Variants in RASA3 observed in about 807,000 individuals in gnomAD.
The protein encoded by RASA3 is RAS p21 protein activator 3.
In RASA3, 73 loss-of-function variants were observed where a neutral mutation model predicts 110.0. The observed-to-expected ratio is 0.66, with a 90% CI of 0.55 to 0.81. The LOEUF is 0.81. Among genes scored for constraint, RASA3 ranks in the 30% least tolerant of loss-of-function variants. The pLI, the probability that RASA3 is intolerant of heterozygous loss-of-function variation, is 0.00. For missense variants in RASA3, 976 were observed against 1,113.2 expected (o/e 0.88, Z 1.75); for synonymous variants, 500 against 451.4 (o/e 1.11, Z -1.37).
At chr13:114,089,424 G>A (rs1025222012) in intron 1 of RASA3, among the ~76,000 whole-genome samples, 2 of 151,738 alleles carry the variant, frequency 1.3e-5, no homozygotes, top group South Asian at 4.2e-4. Context: ...GGCAGGAGGC[G>A]GCCACCTGAG....
chr13:114,119,692 C>T (rs1483006646), intron 1 of RASA3, among the ~76,000 whole-genome samples: 5 of 52,410 alleles, frequency 9.5e-5, no homozygotes, highest in African/African-American at 2.1e-4. Flanking sequence ...ATCAGGGCCC[C>T]CCCTCCCTCT....
chr13:113,982,030 G>A (rs539592590), intron 22 of RASA3, among the ~76,000 whole-genome samples, 172 bp from the exon 23 acceptor site: 3 of 152,308 alleles, frequency 2.0e-5, no homozygotes, highest in South Asian at 2.1e-4. Context: ...AACCATTCCC[G>A]CAGGTAGGCG....
intron 3 of RASA3, among the ~76,000 whole-genome samples, chr13:114,042,769 A>G (rs7983567): frequency 0.71 from 107,669 of 152,136 alleles, 38,939 homozygotes; most frequent in African/African-American, 0.87. Context: ...TCCAGCAGCC[A>G]CATGCTTGGG....
At chr13:114,095,113 C>G (rs1594447831) in intron 1 of RASA3, among the ~76,000 whole-genome samples, 1 of 152,182 alleles carries the variant, frequency 6.6e-6, no homozygotes, top group East Asian at 1.9e-4. Context: ...GTGAAGTTCA[C>G]ACAGGAAAGT....
intron 22 of RASA3, among the ~76,000 whole-genome samples, chr13:113,991,892 G>A (rs61967987): frequency 0.13 from 20,175 of 152,084 alleles, 1,740 homozygotes; most frequent in Middle Eastern, 0.19. Flanking sequence ...ACACACACAT[G>A]CTCACACATG....
chr13:114,023,990 A>T (rs568402285), intron 8 of RASA3, among the ~76,000 whole-genome samples: 1 of 152,304 alleles, frequency 6.6e-6, no homozygotes, highest in African/African-American at 2.4e-5. Context: ...GCTTAGAACA[A>T]GACCTTAAGA....
At position 114,021,462 on chromosome 13, in the gene RASA3, G is replaced by C; in HGVS notation, c.727C>G (p.Leu243Val). The change falls in exon 9 of 24, where the codon CTG becomes GTG. Residue 243 changes from leucine to valine, a missense_variant. Physicochemically the swap from Leu to Val is conservative, Grantham distance 32 (BLOSUM62 1). Around this residue, in one of 4 missense-constraint regions of RASA3, gnomAD observed 732 missense variants for 779.7 expected, o/e 0.94. Coordinates refer to ENST00000334062, the MANE Select transcript of RASA3 (RefSeq NM_007368.4). ...ASNLKFGDEF[L>V]GELRIPLKVL... The stretch of plus-strand genomic sequence containing the variant: ...TTCAACGGGATCCTTAGTTCTCCCA[G>C]GAATTCATCTCCAAACTTCAGGTTA... 6.2e-7 allele frequency: 1 copy of C among 1,614,022 alleles called. No homozygotes were observed. The highest frequency in any genetic ancestry group is 8.5e-7 in the Non-Finnish European group (1 of 1,180,022).
chr13:114,017,428 C>A, intron 11 of RASA3, 77 bp from the exon 12 acceptor site: 2 of 1,182,306 alleles, frequency 1.7e-6, no homozygotes, highest in Non-Finnish European at 1.2e-6. Flanking sequence ...TGGCCCCGAG[C>A]ACCTGCCTGT....
In RASA3 at chr13:114,030,522, C is replaced by CA. The variant is rs1317182634; in HGVS notation, c.373-636dup. On this transcript the variant is annotated intron_variant, in intron 4 of 23. Transcript: ENST00000334062. ...CAGAGGGCAAGACTCACACAGAGAG[C>CA]AAGACTCACACAGAGGGCAAGACTC... 8.3e-5 allele frequency among the ~76,000 whole-genome samples: 10 copies of CA among 120,180 alleles called. No individual in the cohort carries two copies. The Admixed American group carries it at 8.5e-4, about 10-fold the overall frequency. 78.8% of individuals were successfully genotyped at this position (120,180 alleles called of 152,430 possible).
chr13:114,012,909 C>T (rs1482034544), intron 15 of RASA3, among the ~76,000 whole-genome samples: 23 of 141,084 alleles, frequency 1.6e-4, no homozygotes, highest in African/African-American at 4.7e-4. Flanking sequence ...ACACTCCCCA[C>T]GCAGTCCACG....
rs1165707509 is a variant in RASA3 at position 114,018,220 on chromosome 13, G to A, written c.975C>T (p.Gly325=). The change falls in exon 11 of 24, where the codon GGC becomes GGT. Residue 325 remains glycine, a synonymous_variant. Transcript: ENST00000334062. ...CCTCCTGCTTCTCCCGGCAAACCTC[G>A]CCCAGGATGTGGGCCGCAGACGCTG... is the stretch of plus-strand genomic sequence containing the variant. ...PVSASAAHIL[G]EVCREKQEAA... is the part of the protein sequence containing the mutation. The A allele has an allele frequency of 1.5e-5, 23 of 1,553,774 alleles. No individual in the cohort carries two copies. In the Middle Eastern group the frequency reaches 8.6e-4, roughly 58 times the overall value.
chr13:114,131,474 C>T (rs1461816553), intron 1 of RASA3, among the ~76,000 whole-genome samples: 1 of 152,308 alleles, frequency 6.6e-6, no homozygotes, highest in East Asian at 1.9e-4. Flanking sequence ...GATAAAACAA[C>T]CAGGGAAAAG....
intron 1 of RASA3, among the ~76,000 whole-genome samples, chr13:114,119,444 G>A (rs2080335241): frequency 6.6e-6 from 1 of 151,894 alleles, no homozygotes; most frequent in South Asian, 2.1e-4. Flanking sequence ...GGGGCCGATC[G>A]CTCAGGATCC....
At chr13:114,043,677 G>A (rs1324262027) in intron 3 of RASA3, among the ~76,000 whole-genome samples, 2 of 152,070 alleles carry the variant, frequency 1.3e-5, no homozygotes, top group South Asian at 2.1e-4. Context: ...GCCGGCACAG[G>A]AAACAGGCCC....
At chr13:114,104,310 A>C (rs1000543555) in intron 1 of RASA3, among the ~76,000 whole-genome samples, 14 of 80,154 alleles carry the variant, frequency 1.7e-4, no homozygotes, top group South Asian at 4.6e-4. Flanking sequence ...ACGGACACCC[A>C]CCCCCGATGC....
chr13:114,009,119 G>A (rs1454263302), intron 17 of RASA3, among the ~76,000 whole-genome samples: 2 of 152,204 alleles, frequency 1.3e-5, no homozygotes, highest in Non-Finnish European at 2.9e-5. Context: ...GCCCTCATTC[G>A]GGGGGCTCAG....
rs141949705 is a variant in RASA3 at position 114,034,390 on chromosome 13, G to A, written c.373-4503C>T. On this transcript the variant is annotated intron_variant, in intron 4 of 23. Transcript: ENST00000334062. ...GTCACGACTGCATGTGGGGGGTCCTGGTCCCCAGCAGCAGGCTGTGTGGCC... is the reference window on the plus strand; with the variant it reads ...GTCACGACTGCATGTGGGGGGTCCTAGTCCCCAGCAGCAGGCTGTGTGGCC... Among the ~76,000 whole-genome samples the A allele has an allele frequency of 2.0e-4, 30 of 152,334 alleles. No homozygotes were observed. In the East Asian group the frequency reaches 4.8e-3, roughly 25 times the overall value.
chr13:114,125,876 G>A (rs1368205337), intron 1 of RASA3, among the ~76,000 whole-genome samples: 2 of 151,476 alleles, frequency 1.3e-5, no homozygotes, highest in Admixed American at 6.6e-5. Context: ...GTCCAACCTC[G>A]CACCCTCCAG....
chr13:114,079,876 C>T (rs1484720030), intron 1 of RASA3, among the ~76,000 whole-genome samples: 6 of 152,268 alleles, frequency 3.9e-5, no homozygotes, highest in Middle Eastern at 3.4e-3. Flanking sequence ...CTGCACATCT[C>T]GGTGGGCTGA....
Sources: gnomAD v4.1 joint callset for allele counts (sites outside exome capture counted in the v4.1 genomes callset) on GRCh38, gnomAD v4.1.1 for gene constraint, gnomAD v4.1.1 regional missense constraint, MANE v1.5 for transcripts, NCBI Gene and HGNC (gene_info 2026-07-23, HGNC 2026-07-21) for gene names.